Variants in MYOM1 observed in about 807,000 individuals in gnomAD.
MYOM1 encodes myomesin 1.
Under a neutral mutation model 205.3 loss-of-function variants are expected in MYOM1, and 164 were observed. That is an observed-to-expected ratio of 0.80 (90% CI 0.70 to 0.91). MYOM1 has a LOEUF of 0.91. MYOM1 is among the 40% of genes least tolerant of loss of function. The pLI, the probability that MYOM1 is intolerant of heterozygous loss-of-function variation, is 0.00. For synonymous variants in MYOM1, 772 were observed against 789.4 expected, an observed-to-expected ratio of 0.98 and a Z score of 0.37; for missense variants, 2,011 against 2,127.3, an observed-to-expected ratio of 0.95 and a Z score of 1.08.
intron 5 of MYOM1, among the ~76,000 whole-genome samples, chr18:3,177,442 T>TATC (rs985456634): frequency 1.6e-5 from 2 of 124,986 alleles, no homozygotes; most frequent in South Asian, 2.6e-4. Context: ...TTAGAAGCAA[T>TATC]ATCATTATTA....
Position 3,168,966 on chromosome 18 carries a change from T to G in MYOM1, c.1190A>C (p.Tyr397Ser). 1 of 1,612,586 alleles carries G rather than the reference T, an allele frequency of 6.2e-7. No homozygotes were observed. Among genetic ancestry groups the G allele is most frequent in the Non-Finnish European group, 8.5e-7 (1 of 1,179,322 alleles). The change falls in exon 9 of 38, where the codon TAT becomes TCT. Residue 397 changes from tyrosine (Y) to serine (S), a missense_variant. Tyr to Ser is a moderately radical substitution (Grantham distance 144). Transcript: ENST00000356443. ...GATCTCAAACCGGGATGCATAACCATATGGGGTCACACCAACTGGGTACAA... is the reference window on the plus strand; with the variant it reads ...GATCTCAAACCGGGATGCATAACCAGATGGGGTCACACCAACTGGGTACAA... ...TMPLSFGVTP[Y>S]GYASRFEIHF...
chr18:3,079,560 A>G (rs2079061088), intron 33 of MYOM1, among the ~76,000 whole-genome samples: 1 of 152,000 alleles, frequency 6.6e-6, no homozygotes, highest in African/African-American at 2.4e-5. Context: ...TTTATTTGTT[A>G]ATAACTCCTC....
At chr18:3,175,738 A>T (rs2144096135) in intron 6 of MYOM1, among the ~76,000 whole-genome samples, 1 of 152,324 alleles carries the variant, frequency 6.6e-6, no homozygotes, top group Non-Finnish European at 1.5e-5. Flanking sequence ...TATTTTTCTT[A>T]CTTACATCTA....
chr18:3,081,803 T>C (rs1437948475), intron 33 of MYOM1, among the ~76,000 whole-genome samples: 3 of 152,184 alleles, frequency 2.0e-5, no homozygotes, highest in Non-Finnish European at 4.4e-5. Context: ...TTTTTATGAC[T>C]CAGGAAATAA....
At chr18:3,122,262 G>A (rs926365934) in intron 19 of MYOM1, among the ~76,000 whole-genome samples, 3 of 150,982 alleles carry the variant, frequency 2.0e-5, no homozygotes, top group African/African-American at 4.9e-5. Flanking sequence ...ATTTAACTCC[G>A]TGCTATTTTT....
intron 2 of MYOM1, among the ~76,000 whole-genome samples, chr18:3,207,943 G>T (rs2081145039): frequency 6.6e-6 from 1 of 152,222 alleles, no homozygotes; most frequent in Non-Finnish European, 1.5e-5. Context: ...GTCAAGCACA[G>T]CAGGCAAAGA....
chr18:3,222,386 G>T (rs2030400567), upstream of MYOM1, among the ~76,000 whole-genome samples: 1 of 152,176 alleles, frequency 6.6e-6, no homozygotes, highest in Non-Finnish European at 1.5e-5. Flanking sequence ...GCTGGGTCTA[G>T]CTCATGCTTC....
chr18:3,079,723 G>A lies in MYOM1; in HGVS notation c.4485-381C>T, dbSNP rs187882770. Among the ~76,000 whole-genome samples, 3 of 152,196 alleles carry A rather than the reference G, an allele frequency of 2.0e-5. No homozygotes were observed. The East Asian group carries it at 5.8e-4, about 29-fold the overall frequency. Reference sequence around the variant, plus strand: ...ACTATTTTACTGCATATTTCATCTAGATAATCTATGGCTATAAATCAGATT... The same window carrying A: ...ACTATTTTACTGCATATTTCATCTAAATAATCTATGGCTATAAATCAGATT... On this transcript the variant is annotated intron_variant, in intron 33 of 37. Coordinates refer to ENST00000356443, the MANE Select transcript of MYOM1 (RefSeq NM_003803.4).
chr18:3,179,026 C>T lies in MYOM1; in HGVS notation c.930-2892G>A, dbSNP rs990085641. On this transcript the variant is annotated intron_variant, in intron 5 of 37. Coordinates refer to ENST00000356443, the MANE Select transcript of MYOM1 (RefSeq NM_003803.4). This position sits in a 1 kb window ranked among gnomAD's most constrained non-coding sequence, Gnocchi z 4.4. ...GGGACTACAAGTGTGCACCACCACA[C>T]TCAGCTAATTTTTTCTATTTTTTGT... is the stretch of plus-strand genomic sequence containing the variant. 4.6e-5 allele frequency among the ~76,000 whole-genome samples: 7 copies of T among 152,116 alleles called. No homozygotes were observed. Among genetic ancestry groups the T allele is most frequent in the African/African-American group, 1.7e-4 (7 of 41,420 alleles).
rs78606951 is a variant in MYOM1, at chr18:3,120,050, T to C, written c.2992-55A>G. On this transcript the variant is annotated intron_variant, in intron 19 of 37. Transcript: ENST00000356443. ...AATGTTCCAGGTTTGTTTTTTTTTT[T>C]CTACTTGTTGAGCATTTTATTTATT... 5.3e-3 allele frequency: 8,024 copies of C among 1,519,552 alleles called. 27 individuals carry two copies. The highest frequency in any genetic ancestry group is 6.3e-3 in the Non-Finnish European group (7,167 of 1,131,898). 94.1% of individuals were successfully genotyped at this position (1,519,552 alleles called of 1,614,324 possible).
At chr18:3,182,303 A>G (rs1475434758) in intron 5 of MYOM1, among the ~76,000 whole-genome samples, 1 of 147,200 alleles carries the variant, frequency 6.8e-6, no homozygotes, top group Non-Finnish European at 1.5e-5. Context: ...GGGGAGGGGG[A>G]GGGATAGCAT....
intron 8 of MYOM1, among the ~76,000 whole-genome samples, chr18:3,169,817 C>T (rs1260705412): frequency 6.6e-6 from 1 of 152,132 alleles, no homozygotes; most frequent in Non-Finnish European, 1.5e-5. Context: ...GAAAGGAAAA[C>T]AATATATAGC....
chr18:3,079,387 G>C, intron 33 of MYOM1, 45 bp from the exon 34 acceptor site: 1 of 1,543,370 alleles, frequency 6.5e-7, no homozygotes, highest in South Asian at 1.3e-5. Flanking sequence ...CTTCCATCCA[G>C]GGCTGATCTT....
rs1598736306 is a variant in MYOM1 at position 3,164,298 on chromosome 18, C to T, written c.1481G>A (p.Ser494Asn). The T allele has an allele frequency of 1.2e-6, 2 of 1,612,924 alleles. No homozygotes were observed. Among genetic ancestry groups the T allele is most frequent in the Non-Finnish European group, 8.5e-7 (1 of 1,179,438 alleles). The change falls in exon 10 of 38, where the codon AGT becomes AAT. Residue 494 changes from serine to asparagine, a missense_variant. Coordinates refer to ENST00000356443, the MANE Select transcript of MYOM1 (RefSeq NM_003803.4). ...CTTACCTCGAACAAAGACATAAGCA[C>T]TATATTGTTCATAATATTCTCCCAT... ...VRMGEYYEQY[S>N]AYVFVRDADA...
chr18:3,126,789 T>C lies in MYOM1; in HGVS notation c.2903A>G (p.Tyr968Cys), dbSNP rs374017958. Residue 968 changes from tyrosine (Y) to cysteine (C), a missense_variant, in exon 19 of 38, where the codon TAT becomes TGT. Coordinates refer to ENST00000356443, the MANE Select transcript of MYOM1 (RefSeq NM_003803.4). ...AATGACCTCGCGATAGTTCACATAA[T>C]AGCCAGTAATTTCTGCCCCTCCAAT... ...DKIGGAEITGYYVNYREVIDG... is the reference protein window; with the variant it reads ...DKIGGAEITGCYVNYREVIDG... 4 of 1,613,800 alleles carry C rather than the reference T, an allele frequency of 2.5e-6. No homozygotes were observed. Among genetic ancestry groups the C allele is most frequent in the African/African-American group, 2.7e-5 (2 of 74,922 alleles).
At chr18:3,141,454 G>A (rs1319252970) in intron 14 of MYOM1, among the ~76,000 whole-genome samples, 1 of 152,168 alleles carries the variant, frequency 6.6e-6, no homozygotes, top group Non-Finnish European at 1.5e-5. Context: ...AGCTAGCCAA[G>A]TGCAGTGGCA....
chr18:3,155,786 G>A (rs112539788), intron 10 of MYOM1, among the ~76,000 whole-genome samples: 6 of 152,278 alleles, frequency 3.9e-5, no homozygotes, highest in African/African-American at 1.2e-4. Context: ...GCTCCCAAGG[G>A]AGACAAATAC....
chr18:3,168,618 A>G lies in MYOM1; in HGVS notation c.1339+199T>C, dbSNP rs8087321. On this transcript the variant is annotated intron_variant, in intron 9 of 37. Coordinates refer to ENST00000356443, the MANE Select transcript of MYOM1 (RefSeq NM_003803.4). The stretch of plus-strand genomic sequence containing the variant: ...ATACATTCTTTATGATTCTTTCCAC[A>G]TCTTACTTGTTAAAAGGAAAATATC... Among the ~76,000 whole-genome samples, 15,123 of 152,220 alleles carry G rather than the reference A, an allele frequency of 0.099. 1,672 individuals carry two copies. The highest frequency in any genetic ancestry group is 0.28 in the African/African-American group (11,509 of 41,468).
chr18:3,181,067 T>C (rs9958737), intron 5 of MYOM1, among the ~76,000 whole-genome samples: 7,172 of 152,052 alleles, frequency 0.047, 590 homozygotes, highest in African/African-American at 0.16. Flanking sequence ...GCTGGGACTA[T>C]AGGAGCGTGC....
Sources: allele counts gnomAD v4.1 joint callset (sites outside exome capture counted in the v4.1 genomes callset), GRCh38; gene constraint gnomAD v4.1.1; non-coding constraint Gnocchi (gnomAD v3.1); transcripts MANE v1.5; gene names NCBI Gene and HGNC (gene_info 2026-07-23, HGNC 2026-07-21).